The following VWA2 variants were observed in gnomAD, a reference collection of about 807,000 sequenced individuals.
VWA2 encodes von Willebrand factor A domain-containing protein 2.
A neutral mutation model predicts 70.4 loss-of-function variants in VWA2; 73 were observed. The observed-to-expected ratio is 1.04, with a 90% CI of 0.86 to 1.26. The LOEUF is 1.26. VWA2 is among the 50% of genes most tolerant of loss of function. The pLI, the probability that VWA2 is intolerant of heterozygous loss-of-function variation, is 0.00. For synonymous variants in VWA2, 407 were observed against 423.3 expected, an observed-to-expected ratio of 0.96 and a Z score of 0.47; for missense variants, 1,011 against 998.5, an observed-to-expected ratio of 1.01 and a Z score of -0.17.
At chr10:114,261,316 C>A in intron 5 of VWA2, 21 bp downstream of exon 5, 1 of 1,590,490 alleles carries the variant, frequency 6.3e-7, no homozygotes, top group Non-Finnish European at 8.6e-7. Context: ...TCAGATACTG[C>A]TGTGGTTAGG....
At chr10:114,260,211 GTCT>G (rs1441463840) in intron 4 of VWA2, among the ~76,000 whole-genome samples, 1 of 152,192 alleles carries the variant, frequency 6.6e-6, no homozygotes. Flanking sequence ...AATGTTTGTA[GTCT>G]TCTCTGCTCA....
At chr10:114,241,391 T>TC (rs1347966857) in intron 1 of VWA2, among the ~76,000 whole-genome samples, 1 of 152,244 alleles carries the variant, frequency 6.6e-6, no homozygotes, top group African/African-American at 2.4e-5. Context: ...CACATGGTAA[T>TC]CACTGATCTT....
chr10:114,270,724 G>A (rs1478921127), intron 5 of VWA2, among the ~76,000 whole-genome samples: 1 of 152,198 alleles, frequency 6.6e-6, no homozygotes, highest in Non-Finnish European at 1.5e-5. Context: ...GTGGTCTTCG[G>A]TATCTAATGT....
At chr10:114,284,243 A>G (rs2038563606) in intron 9 of VWA2, among the ~76,000 whole-genome samples, 1 of 152,244 alleles carries the variant, frequency 6.6e-6, no homozygotes, top group Non-Finnish European at 1.5e-5. Flanking sequence ...CCAAAAGTCA[A>G]TACTGTCATT....
intron 6 of VWA2, among the ~76,000 whole-genome samples, chr10:114,275,936 AAAAT>A (rs1234378744): frequency 6.6e-6 from 1 of 152,222 alleles, no homozygotes; most frequent in Non-Finnish European, 1.5e-5. Flanking sequence ...TCATAAAACA[AAAAT>A]AAATTAATTA....
At position 114,286,309 on chromosome 10, in the gene VWA2, C is replaced by T; in HGVS notation, c.1368C>T (p.His456=). Residue 456 remains histidine, a synonymous_variant, in exon 11 of 14, where the codon CAC becomes CAT. Coordinates refer to ENST00000392982, the MANE Select transcript of VWA2 (RefSeq NM_001272046.2). Reference sequence around the variant, plus strand: ...TGGTGGTTTTGCTCACTGAGTCACACTCCGAGGATGAGGTTGCGGGCCCAG... The same window carrying T: ...TGGTGGTTTTGCTCACTGAGTCACATTCCGAGGATGAGGTTGCGGGCCCAG... ...RRVVVLLTES[H]SEDEVAGPAR... 1 of 1,611,814 alleles carries T rather than the reference C, an allele frequency of 6.2e-7. No homozygotes were observed. The highest frequency in any genetic ancestry group is 8.5e-7 in the Non-Finnish European group (1 of 1,178,636).
At chr10:114,258,318 C>CT (rs1193837304) in intron 4 of VWA2, among the ~76,000 whole-genome samples, 1 of 152,110 alleles carries the variant, frequency 6.6e-6, no homozygotes, top group African/African-American at 2.4e-5. Context: ...TAAATTAAGA[C>CT]TTTTATGGAT....
chr10:114,263,729 A>T (rs1370786017), intron 5 of VWA2, among the ~76,000 whole-genome samples: 2 of 152,208 alleles, frequency 1.3e-5, no homozygotes, highest in African/African-American at 4.8e-5. Context: ...GATATATTTT[A>T]TATGCCATAA....
At chr10:114,266,480 C>G (rs2037569262) in intron 5 of VWA2, among the ~76,000 whole-genome samples, 1 of 152,058 alleles carries the variant, frequency 6.6e-6, no homozygotes, top group South Asian at 2.1e-4. Context: ...CAACTCAAAC[C>G]CAGGACACTT....
At chr10:114,255,737 T>A (rs1044501826) in intron 4 of VWA2, among the ~76,000 whole-genome samples, 1 of 151,666 alleles carries the variant, frequency 6.6e-6, no homozygotes, top group African/African-American at 2.4e-5. Context: ...TATAGCAGAG[T>A]GTGGTAGCTG....
intron 4 of VWA2, among the ~76,000 whole-genome samples, chr10:114,255,280 T>C (rs1446654310): frequency 6.6e-6 from 1 of 152,036 alleles, no homozygotes. Flanking sequence ...GTTGACTTCC[T>C]TCTCAGGCAG....
chr10:114,284,812 C>A (rs372703953), intron 9 of VWA2, 51 bp from the exon 10 acceptor site: 1 of 1,533,114 alleles, frequency 6.5e-7, no homozygotes, highest in South Asian at 1.2e-5. Flanking sequence ...CCAGTCCTCT[C>A]CACTCCTCTG....
intron 12 of VWA2, 116 bp downstream of exon 12, chr10:114,289,605 C>A: frequency 8.3e-7 from 1 of 1,208,162 alleles, no homozygotes; most frequent in Non-Finnish European, 1.2e-6. Flanking sequence ...CACTTGCTTC[C>A]CAAGTGCCAG....
rs1225065734 is a variant in VWA2, at chr10:114,277,920, G to A, written c.573G>A (p.Glu191=). The A allele has an allele frequency of 3.1e-6, 5 of 1,607,198 alleles. No homozygotes were observed. The highest frequency in any genetic ancestry group is 2.0e-4 in the Middle Eastern group (1 of 4,900). The change falls in exon 7 of 14, where the codon GAG becomes GAA. Residue 191 remains glutamate, a synonymous_variant. Transcript: ENST00000392982. ...TTACAACCCCTTGGCACAGGTGGGA[G>A]GAGCTGCATGCACTGGCCAGCGAGC... ...FAVGVRFPRW[E]ELHALASEPR...
Position 114,261,236 on chromosome 10 carries a change from C to T in VWA2, c.312C>T (p.Pro104=), listed in dbSNP as rs376574990. Residue 104 remains proline (P), a synonymous_variant, in exon 5 of 14, where the codon CCC becomes CCT. Coordinates refer to ENST00000392982, the MANE Select transcript of VWA2 (RefSeq NM_001272046.2). The part of the protein sequence containing the change: ...QFSSTPHLEF[P]LDSFSTQQEV... ...GTTCCACTCCTCATCTGGAATTCCC[C>T]TTGGATTCATTTTCAACCCAACAGG... 1.9e-4 allele frequency: 307 copies of T among 1,614,020 alleles called. No homozygotes were observed. Among genetic ancestry groups the T allele is most frequent in the Admixed American group, 3.3e-4 (20 of 59,998 alleles).
At chr10:114,284,791 C>A in intron 9 of VWA2, 72 bp from the exon 10 acceptor site, 1 of 1,429,040 alleles carries the variant, frequency 7.0e-7, no homozygotes, top group South Asian at 1.3e-5. Flanking sequence ...CAGCTGCACC[C>A]ACACCTCTGG....
intron 2 of VWA2, among the ~76,000 whole-genome samples, chr10:114,251,693 C>T (rs1446809286): frequency 2.6e-5 from 4 of 152,044 alleles, no homozygotes; most frequent in Non-Finnish European, 4.4e-5. Flanking sequence ...TGCTTCTGTC[C>T]TCAGGGAGCT....
At chr10:114,246,348 A>G in intron 1 of VWA2, 2 of 577,968 alleles carry the variant, frequency 3.5e-6, no homozygotes, top group Non-Finnish European at 6.2e-6. Context: ...TAAAAATACA[A>G]AAATTAGCTG....
intron 8 of VWA2, among the ~76,000 whole-genome samples, chr10:114,282,074 A>G (rs1388659679): frequency 7.4e-6 from 1 of 134,858 alleles, no homozygotes; most frequent in African/African-American, 2.8e-5. Context: ...CAGTTGTGCA[A>G]TCTCGGCTCA....
Sources: allele counts gnomAD v4.1 joint callset (sites outside exome capture counted in the v4.1 genomes callset), GRCh38; gene constraint gnomAD v4.1.1; transcripts MANE v1.5; gene names NCBI Gene and HGNC (gene_info 2026-07-23, HGNC 2026-07-21).